The following CRNKL1 variants were observed in gnomAD, a reference collection of about 807,000 sequenced individuals.
CRNKL1 encodes the protein crooked neck pre-mRNA splicing factor 1.
In CRNKL1, 35 loss-of-function variants were observed where a neutral mutation model predicts 103.7. The ratio of observed to expected loss-of-function variants is 0.34; its 90% CI spans 0.26 to 0.45. The LOEUF is 0.45. CRNKL1 is among the 20% of genes least tolerant of loss of function. CRNKL1 has a pLI of 1.00. For synonymous variants in CRNKL1, 267 were observed against 282.6 expected (o/e 0.94, Z 0.55); for missense variants, 645 against 836.0 (o/e 0.77, Z 2.82).
chr20:20,048,228 T>C, intron 4 of CRNKL1, 115 bp downstream of exon 4: 1 of 1,208,754 alleles, frequency 8.3e-7, no homozygotes, highest in Non-Finnish European at 1.2e-6. Flanking sequence ...AGCATTTATG[T>C]CTGAAGAAAA....
At chr20:20,052,538 C>G, upstream of CRNKL1, 2 of 1,614,226 alleles carry the variant, frequency 1.2e-6, no homozygotes, top group East Asian at 2.2e-5. Flanking sequence ...GACCAGGCTG[C>G]GCGTCCTCCT....
chr20:20,052,173 A>C, intron 1 of CRNKL1, 119 bp downstream of exon 1: 1 of 868,618 alleles, frequency 1.2e-6, no homozygotes, highest in Non-Finnish European at 1.7e-6. Context: ...CTTCCTCTCC[A>C]TCTCTCAGGG....
chr20:20,038,847 A>G (rs997284238), intron 11 of CRNKL1, among the ~76,000 whole-genome samples: 3 of 152,200 alleles, frequency 2.0e-5, no homozygotes, highest in African/African-American at 7.2e-5. Context: ...ATTCCTTGTT[A>G]TTATGAGAGT....
At chr20:20,038,238 TAAAA>T in intron 12 of CRNKL1, 107 bp downstream of exon 12, 10 of 520,040 alleles carry the variant, frequency 1.9e-5, no homozygotes, top group East Asian at 3.4e-5. Context: ...AGGAAGTCAT[TAAAA>T]AAAAAAAAAA....
chr20:20,039,933 T>C (rs909870686), intron 10 of CRNKL1, 85 bp from the exon 11 acceptor site: 20 of 1,401,400 alleles, frequency 1.4e-5, no homozygotes, highest in Middle Eastern at 2.5e-4. Flanking sequence ...GGCTGTTCTC[T>C]GCTGAGGAAG....
Position 20,052,322 on chromosome 20 carries a change from G to A in CRNKL1, c.21C>T (p.Ala7=), listed in dbSNP as rs755440432. The A allele has an allele frequency of 1.2e-6, 2 of 1,612,276 alleles. No homozygotes were observed. Among genetic ancestry groups the A allele is most frequent in the African/African-American group, 1.3e-5 (1 of 74,916 alleles). ...CCACTTTGGGAATCCGCTGCTTCCC[G>A]GCCGCGGTGGAGGCCGCCATGTCTG... MAASTA[A]GKQRIPKVAK... The change falls in exon 1 of 14, where the codon GCC becomes GCT. Residue 7 remains alanine, a synonymous_variant. Coordinates refer to ENST00000536226, the MANE Select transcript of CRNKL1 (RefSeq NM_001278628.2).
In CRNKL1 at chr20:20,044,900, C is replaced by T. The variant is rs73119711; in HGVS notation, c.801+408G>A. On this transcript the variant is annotated intron_variant, in intron 6 of 13. Coordinates refer to ENST00000536226, the MANE Select transcript of CRNKL1 (RefSeq NM_001278628.2). ...AATATTTGAGCTATTTTCATAGGTA[C>T]AAGGGAAAAAAAGAACTCTCTTATT... 1.8e-3 allele frequency among the ~76,000 whole-genome samples: 271 copies of T among 152,042 alleles called. 1 individual carries two copies. The highest frequency in any genetic ancestry group is 0.013 in the South Asian group (62 of 4,828).
intron 12 of CRNKL1, among the ~76,000 whole-genome samples, chr20:20,037,958 G>A (rs1488520719): frequency 2.6e-5 from 4 of 151,770 alleles, no homozygotes; most frequent in Admixed American, 2.0e-4. Context: ...ATTATGGTGC[G>A]CGTCTCTAGT....
upstream of CRNKL1, chr20:20,056,016 A>G (rs2044303287): frequency 5.6e-6 from 9 of 1,604,210 alleles, no homozygotes; most frequent in Non-Finnish European, 7.7e-6. Context: ...TGCCGTCATT[A>G]GAGATTCTCT....
chr20:20,052,429 C>G lies in CRNKL1; in HGVS notation c.-87G>C, dbSNP rs765238125. On this transcript the variant is annotated 5_prime_UTR_variant, in exon 1 of 14. Coordinates refer to ENST00000536226, the MANE Select transcript of CRNKL1 (RefSeq NM_001278628.2). Reference sequence around the variant, plus strand: ...GAGCTCACCGAAACCACAAAGCTTTCAGAAAACAAACAGGATCTCGGAACC... The same window carrying G: ...GAGCTCACCGAAACCACAAAGCTTTGAGAAAACAAACAGGATCTCGGAACC... 4 of 1,614,118 alleles carry G rather than the reference C, an allele frequency of 2.5e-6. No homozygotes were observed. The highest frequency in any genetic ancestry group is 3.4e-6 in the Non-Finnish European group (4 of 1,180,066).
At chr20:20,036,396 G>A (rs373177735) in intron 13 of CRNKL1, 34 bp from the exon 14 acceptor site, 32 of 1,602,658 alleles carry the variant, frequency 2.0e-5, no homozygotes, top group African/African-American at 2.7e-5. Flanking sequence ...ATAAGCAAAC[G>A]TGGGTGATAT....
Position 20,037,515 on chromosome 20 carries a change from A to G in CRNKL1, c.1704T>C (p.Thr568=), listed in dbSNP as rs1382728247. 1 of 1,614,166 alleles carries G rather than the reference A, an allele frequency of 6.2e-7. No individual in the cohort carries two copies. Among genetic ancestry groups the G allele is most frequent in the Non-Finnish European group, 8.5e-7 (1 of 1,180,030 alleles). Residue 568 remains threonine (T), a synonymous_variant, in exon 13 of 14, where the codon ACT becomes ACC. Coordinates refer to ENST00000536226, the MANE Select transcript of CRNKL1 (RefSeq NM_001278628.2). The stretch of plus-strand genomic sequence containing the variant: ...CTTCTTCATAAATTTGTCTGCATTT[A>G]GTCAAACTTCCTTCTTTTCCTGAAG... ...ELSSGKEGSL[T]KCRQIYEEAN... is the part of the protein sequence containing the mutation.
chr20:20,035,502 A>C lies in CRNKL1; in HGVS notation c.*693T>G, dbSNP rs1031832535. ...TTATTAGACTAAATTCTTAGTAAAC[A>C]ATGTTTTCTGAACCTTGTTCAGAAA... On this transcript the variant is annotated 3_prime_UTR_variant, in exon 14 of 14. Coordinates refer to ENST00000536226, the MANE Select transcript of CRNKL1 (RefSeq NM_001278628.2). The C allele has an allele frequency of 1.3e-5, 2 of 152,234 alleles. No homozygotes were observed. The highest frequency in any genetic ancestry group is 4.8e-5 in the African/African-American group (2 of 41,458). 9.4% of individuals were successfully genotyped at this position (152,234 alleles called of 1,614,324 possible).
intron 11 of CRNKL1, among the ~76,000 whole-genome samples, chr20:20,038,769 G>A (rs546630946): frequency 2.2e-4 from 33 of 152,292 alleles, no homozygotes; most frequent in African/African-American, 7.5e-4. Context: ...CTAGCCACAC[G>A]CAATTGAGCG....
intron 12 of CRNKL1, among the ~76,000 whole-genome samples, chr20:20,038,133 AGCT>A (rs1406617237): frequency 2.0e-5 from 3 of 151,850 alleles, no homozygotes; most frequent in Non-Finnish European, 4.4e-5. Context: ...GTGATACCCA[AGCT>A]ACTCACATGC....
intron 10 of CRNKL1, 76 bp downstream of exon 10, chr20:20,040,610 A>G: frequency 9.0e-7 from 1 of 1,107,494 alleles, no homozygotes; most frequent in East Asian, 2.4e-5. Flanking sequence ...TAGGAACTGT[A>G]CAACTTCCAA....
intron 1 of CRNKL1, among the ~76,000 whole-genome samples, 168 bp from the exon 2 acceptor site, chr20:20,050,790 C>CCG (rs2043689869): frequency 6.6e-6 from 1 of 151,940 alleles, no homozygotes; most frequent in South Asian, 2.1e-4. Flanking sequence ...AAAAAAAATA[C>CCG]CGTTTTCTCT....
Position 20,047,948 on chromosome 20 carries a change from C to T in CRNKL1, c.456-17G>A, listed in dbSNP as rs374760134. ...TACTTGTACCTGTAACAAAATCACC[C>T]GAAAATATCTGCTGTGGTTTAGTTC... On this transcript the variant is annotated splice_polypyrimidine_tract_variant and intron_variant, in intron 4 of 13. Transcript: ENST00000536226. 55 of 1,605,930 alleles carry T rather than the reference C, an allele frequency of 3.4e-5. No individual in the cohort carries two copies. Among genetic ancestry groups the T allele is most frequent in the Non-Finnish European group, 3.7e-5 (44 of 1,173,864 alleles).
chr20:20,037,293 A>C (rs940450792), intron 13 of CRNKL1, 30 bp downstream of exon 13: 5 of 1,602,344 alleles, frequency 3.1e-6, no homozygotes, highest in Non-Finnish European at 4.3e-6. Context: ...ATGTGACGTG[A>C]GATGAACAGT....
Sources: gnomAD v4.1 joint callset for allele counts (sites outside exome capture counted in the v4.1 genomes callset) on GRCh38, gnomAD v4.1.1 for gene constraint, MANE v1.5 for transcripts, NCBI Gene and HGNC (gene_info 2026-07-23, HGNC 2026-07-21) for gene names.